The following ADAMTSL1 variants were observed in gnomAD, a reference collection of about 807,000 sequenced individuals.
The protein encoded by ADAMTSL1 is ADAMTS-like protein 1.
ADAMTSL1 carries 126 observed loss-of-function variants against 201.8 expected under a neutral mutation model. The ratio of observed to expected loss-of-function variants is 0.62; its 90% CI spans 0.54 to 0.72. ADAMTSL1 has a LOEUF of 0.72. Ranked by LOEUF, ADAMTSL1 falls within the 30% of genes least tolerant of loss-of-function variation. The pLI is 0.00. For synonymous variants in ADAMTSL1, 1,121 were observed against 903.4 expected (o/e 1.24, Z -4.32); for missense variants, 2,679 against 2,277.8 (o/e 1.18, Z -3.59).
At chr9:18,512,496 T>G (rs777294441) in intron 2 of ADAMTSL1, among the ~76,000 whole-genome samples, 1 of 152,172 alleles carries the variant, frequency 6.6e-6, no homozygotes, top group Non-Finnish European at 1.5e-5. Context: ...TTTGTATATC[T>G]CCTCAATTTT....
chr9:17,908,030 T>A (rs979523043), intron 1 of ADAMTSL1, among the ~76,000 whole-genome samples: 1 of 152,180 alleles, frequency 6.6e-6, no homozygotes, highest in African/African-American at 2.4e-5. Context: ...CAACTTGTTT[T>A]CCGATCTCTA....
intron 1 of ADAMTSL1, among the ~76,000 whole-genome samples, chr9:18,083,670 A>G (rs7030336): frequency 0.039 from 5,973 of 152,290 alleles, 155 homozygotes; most frequent in African/African-American, 0.068. Context: ...GCTCTTTATG[A>G]GGAACAATTT....
intron 1 of ADAMTSL1, among the ~76,000 whole-genome samples, chr9:17,943,056 G>T (rs1299832667): frequency 6.6e-6 from 1 of 151,952 alleles, no homozygotes; most frequent in Non-Finnish European, 1.5e-5. Context: ...CAAGTAGCTG[G>T]GATTAGAGGT....
chr9:18,304,370 C>A (rs1459617158), intron 2 of ADAMTSL1, among the ~76,000 whole-genome samples: 1 of 151,926 alleles, frequency 6.6e-6, no homozygotes, highest in Non-Finnish European at 1.5e-5. Flanking sequence ...TAAAAGAAAA[C>A]CTTGTGAGCT....
intron 2 of ADAMTSL1, among the ~76,000 whole-genome samples, chr9:18,195,646 G>A (rs1229930559): frequency 6.6e-6 from 1 of 152,134 alleles, no homozygotes; most frequent in Admixed American, 6.6e-5. Context: ...AATCTGAAAA[G>A]AGCTGGTACT....
chr9:18,756,914 A>G (rs986093562), intron 16 of ADAMTSL1, among the ~76,000 whole-genome samples: 7 of 152,236 alleles, frequency 4.6e-5, no homozygotes, highest in South Asian at 2.1e-4. Context: ...TAGGAATGCA[A>G]CCTTCTTTGT....
At position 18,680,102 on chromosome 9, in the gene ADAMTSL1, G is replaced by A. The variant is rs113706719; in HGVS notation, c.1137-210G>A. ...CTGTAATGGCTTACATTTGTATAGA[G>A]CTTCACGGTTTGCAGAGCCCTTTTG... On this transcript the variant is annotated intron_variant, in intron 10 of 28. Coordinates refer to ENST00000380548, the MANE Select transcript of ADAMTSL1 (RefSeq NM_001040272.6). Among the ~76,000 whole-genome samples, 1,415 of 152,280 alleles carry A rather than the reference G, an allele frequency of 9.3e-3. 13 individuals are homozygous for A. The highest frequency in any genetic ancestry group is 0.03 in the African/African-American group (1,263 of 41,554).
At chr9:18,814,677 A>G (rs763850367) in intron 20 of ADAMTSL1, among the ~76,000 whole-genome samples, 5 of 152,182 alleles carry the variant, frequency 3.3e-5, no homozygotes, top group Non-Finnish European at 5.9e-5. Context: ...ACTGGGAGCT[A>G]AATGATGAGA....
chr9:18,548,200 T>G (rs991988730), intron 3 of ADAMTSL1, among the ~76,000 whole-genome samples: 1 of 152,052 alleles, frequency 6.6e-6, no homozygotes, highest in Non-Finnish European at 1.5e-5. Flanking sequence ...GAAGAAAAGT[T>G]AAATCTTTGA....
intron 2 of ADAMTSL1, among the ~76,000 whole-genome samples, chr9:18,243,782 A>G (rs1831155542): frequency 6.7e-6 from 1 of 149,918 alleles, no homozygotes; most frequent in African/African-American, 2.4e-5. Context: ...GCTTCCTGAT[A>G]TTTTCTTCCT....
chr9:18,096,846 C>T (rs955216942), intron 1 of ADAMTSL1, among the ~76,000 whole-genome samples: 1 of 152,148 alleles, frequency 6.6e-6, no homozygotes, highest in African/African-American at 2.4e-5. Flanking sequence ...TATAGATTAG[C>T]TTTACCAGCT....
At chr9:18,162,615 T>C (rs1201324808) in intron 1 of ADAMTSL1, among the ~76,000 whole-genome samples, 1 of 152,010 alleles carries the variant, frequency 6.6e-6, no homozygotes, top group African/African-American at 2.4e-5. Flanking sequence ...ATATATGTTA[T>C]AGAAGAGTAT....
chr9:18,501,097 C>T (rs551995565), intron 1 of ADAMTSL1, among the ~76,000 whole-genome samples: 1 of 152,132 alleles, frequency 6.6e-6, no homozygotes, highest in Non-Finnish European at 1.5e-5. Context: ...TACTTTTAGG[C>T]GACCCATTAT....
intron 15 of ADAMTSL1, among the ~76,000 whole-genome samples, chr9:18,745,151 A>C (rs1819059738): frequency 6.6e-6 from 1 of 152,202 alleles, no homozygotes; most frequent in African/African-American, 2.4e-5. Flanking sequence ...CCTGTTCATC[A>C]TTAACCTTTG....
rs1461926137 is a variant in ADAMTSL1 at position 18,660,990 on chromosome 9, T to C, written c.947-945T>C. Among the ~76,000 whole-genome samples, 3 of 152,162 alleles carry C rather than the reference T, an allele frequency of 2.0e-5. No homozygotes were observed. The East Asian group carries it at 5.8e-4, about 29-fold the overall frequency. On this transcript the variant is annotated intron_variant, in intron 8 of 28. Coordinates refer to ENST00000380548, the MANE Select transcript of ADAMTSL1 (RefSeq NM_001040272.6). Reference sequence around the variant, plus strand: ...TAGCAATAACCGTGTTCAACCCACCTGCTAGGGATAATGTATTTGGCAGAT... The same window carrying C: ...TAGCAATAACCGTGTTCAACCCACCCGCTAGGGATAATGTATTTGGCAGAT...
intron 1 of ADAMTSL1, among the ~76,000 whole-genome samples, chr9:18,049,111 A>G (rs1019390480): frequency 3.3e-5 from 5 of 152,270 alleles, no homozygotes; most frequent in African/African-American, 7.2e-5. Flanking sequence ...TCTTATAAGG[A>G]CACCAGTCAT....
chr9:18,471,494 A>G (rs887661251), upstream of ADAMTSL1, among the ~76,000 whole-genome samples: 18 of 152,250 alleles, frequency 1.2e-4, no homozygotes, highest in African/African-American at 3.9e-4. Flanking sequence ...TTTGTAAACC[A>G]TAAAGATGGC....
chr9:18,346,381 G>GCTC (rs1277327367), intron 2 of ADAMTSL1, among the ~76,000 whole-genome samples: 1 of 152,150 alleles, frequency 6.6e-6, no homozygotes, highest in Non-Finnish European at 1.5e-5. Context: ...TAGCAAAAGA[G>GCTC]CTCGAGCTTT....
At chr9:17,965,871 A>G (rs993634028) in intron 1 of ADAMTSL1, among the ~76,000 whole-genome samples, 4 of 152,166 alleles carry the variant, frequency 2.6e-5, no homozygotes, top group African/African-American at 9.6e-5. Flanking sequence ...TCTACATCCC[A>G]GAAGTAAAGC....
Sources: allele counts gnomAD v4.1 joint callset (sites outside exome capture counted in the v4.1 genomes callset), GRCh38; gene constraint gnomAD v4.1.1; transcripts MANE v1.5; gene names NCBI Gene and HGNC (gene_info 2026-07-23, HGNC 2026-07-21).